Variants in TMEM207 observed in about 807,000 individuals in gnomAD.
TMEM207 encodes transmembrane protein 207, also known as SRSR846.
Under a neutral mutation model 17.4 loss-of-function variants are expected in TMEM207, and 15 were observed. The ratio of observed to expected loss-of-function variants is 0.86; its 90% CI spans 0.58 to 1.33. The LOEUF is 1.33. Among genes scored for constraint, TMEM207 ranks in the 40% most tolerant of loss-of-function variants. The probability of loss-of-function intolerance (pLI) is 0.00; values close to 1 mark genes in which losing one functional copy is unlikely to be tolerated. For synonymous variants in TMEM207, 70 were observed against 65.6 expected, an observed-to-expected ratio of 1.07 and a Z score of -0.33; for missense variants, 205 against 173.8, an observed-to-expected ratio of 1.18 and a Z score of -1.01.
At chr3:190,443,083 A>G (rs930508462) in intron 2 of TMEM207, among the ~76,000 whole-genome samples, 2 of 152,010 alleles carry the variant, frequency 1.3e-5, no homozygotes, top group African/African-American at 2.4e-5. Context: ...CCTTAAAAAT[A>G]TACATTTTTT....
chr3:190,433,921 C>G (rs1040344832), intron 4 of TMEM207, among the ~76,000 whole-genome samples: 2 of 152,046 alleles, frequency 1.3e-5, no homozygotes, highest in East Asian at 3.9e-4. Context: ...TAACACCACC[C>G]GCCTCCCACT....
At chr3:190,440,140 T>A (rs1254863159) in intron 4 of TMEM207, 104 bp downstream of exon 4, 2 of 1,407,290 alleles carry the variant, frequency 1.4e-6, no homozygotes, top group Non-Finnish European at 1.9e-6. Flanking sequence ...ATAAGCCACA[T>A]CTTTTTCTAA....
At chr3:190,443,959 C>T (rs929958947) in intron 2 of TMEM207, among the ~76,000 whole-genome samples, 10 of 152,190 alleles carry the variant, frequency 6.6e-5, no homozygotes, top group Admixed American at 1.3e-4. Flanking sequence ...CTTATCAGAA[C>T]GATTTCCTTT....
chr3:190,438,374 T>C (rs1351787199), intron 4 of TMEM207, among the ~76,000 whole-genome samples: 3 of 151,932 alleles, frequency 2.0e-5, no homozygotes, highest in Non-Finnish European at 4.4e-5. Context: ...CACTCAGTGC[T>C]AGCACATGCA....
Position 190,444,497 on chromosome 3 carries a change from T to C in TMEM207, c.114-3015A>G, listed in dbSNP as rs542043225. 34 of 922,102 alleles carry C rather than the reference T, an allele frequency of 3.7e-5. No homozygotes were observed. The East Asian group carries it at 4.3e-3, about 118-fold the overall frequency. 57.1% of individuals were successfully genotyped at this position (922,102 alleles called of 1,614,324 possible). ...TGTTCCAAATGCTTTAAGGAAATACTGAAAATTAAAAAAAAAAAAAATAGA... is the reference window on the plus strand; with the variant it reads ...TGTTCCAAATGCTTTAAGGAAATACCGAAAATTAAAAAAAAAAAAAATAGA... On this transcript the variant is annotated intron_variant, in intron 2 of 4. Coordinates refer to ENST00000354905, the MANE Select transcript of TMEM207 (RefSeq NM_207316.3).
chr3:190,441,446 C>A lies in TMEM207; in HGVS notation c.150G>T (p.Trp50Cys). The change falls in exon 3 of 5, where the codon TGG (tryptophan) becomes TGT (cysteine). Residue 50 changes from tryptophan to cysteine, a missense_variant. By Grantham distance (215) the Trp-to-Cys change is radical. Transcript: ENST00000354905. Reference protein sequence around the residue: ...VNYNDQHPNGWYIWILLLLVL... With the variant: ...VNYNDQHPNGCYIWILLLLVL... ...ATGGAAGATATCCTTACCAGATATA[C>A]CAGCCATTAGGGTGTTGGTCATTAT... 6.2e-7 allele frequency: 1 copy of A among 1,611,332 alleles called. No homozygotes were observed. Among genetic ancestry groups the A allele is most frequent in the Middle Eastern group, 1.7e-4 (1 of 6,058 alleles).
chr3:190,445,529 G>A (rs1720025760), intron 2 of TMEM207, among the ~76,000 whole-genome samples: 1 of 152,178 alleles, frequency 6.6e-6, no homozygotes, highest in African/African-American at 2.4e-5. Context: ...AAATAGACCA[G>A]TGTTGTTGTT....
At chr3:190,442,790 C>G (rs1191910704) in intron 2 of TMEM207, among the ~76,000 whole-genome samples, 1 of 152,008 alleles carries the variant, frequency 6.6e-6, no homozygotes, top group Non-Finnish European at 1.5e-5. Flanking sequence ...GAATATTATT[C>G]AATCATCAAA....
chr3:190,432,188 G>A (rs1387213882), intron 4 of TMEM207, among the ~76,000 whole-genome samples: 2 of 152,164 alleles, frequency 1.3e-5, no homozygotes, highest in Non-Finnish European at 2.9e-5. Context: ...TATAGCCAGA[G>A]TTGAGATTTC....
At chr3:190,442,291 A>C (rs527246796) in intron 2 of TMEM207, among the ~76,000 whole-genome samples, 2 of 152,320 alleles carry the variant, frequency 1.3e-5, no homozygotes, top group Admixed American at 1.3e-4. Context: ...AACAGTGGAA[A>C]TCTGTTATTC....
chr3:190,437,221 C>T (rs1431910791), intron 4 of TMEM207, among the ~76,000 whole-genome samples: 2 of 152,152 alleles, frequency 1.3e-5, no homozygotes, highest in East Asian at 1.9e-4. Flanking sequence ...AAAAGCTGCT[C>T]TATAGAAAAG....
intron 4 of TMEM207, among the ~76,000 whole-genome samples, chr3:190,432,525 T>G (rs1283024463): frequency 6.6e-6 from 1 of 152,220 alleles, no homozygotes; most frequent in African/African-American, 2.4e-5. Flanking sequence ...ATCATGTCTT[T>G]CCATGAAAAT....
chr3:190,441,026 G>C (rs759106532), intron 3 of TMEM207, among the ~76,000 whole-genome samples: 2 of 151,992 alleles, frequency 1.3e-5, no homozygotes, highest in Non-Finnish European at 2.9e-5. Context: ...CCGAGATGGC[G>C]CCACTGCACT....
At chr3:190,437,030 A>G (rs775922868) in intron 4 of TMEM207, among the ~76,000 whole-genome samples, 5 of 152,210 alleles carry the variant, frequency 3.3e-5, no homozygotes, top group Non-Finnish European at 7.3e-5. Context: ...ACAAAAAAAG[A>G]TAAATAGGAC....
chr3:190,447,945 AG>A (rs1720086079), intron 1 of TMEM207, 118 bp from the exon 2 acceptor site: 2 of 891,282 alleles, frequency 2.2e-6, no homozygotes, highest in South Asian at 4.2e-5. Context: ...TTTAATTAAA[AG>A]CTCTATAGCA....
intron 4 of TMEM207, among the ~76,000 whole-genome samples, chr3:190,434,226 T>C (rs1396894016): frequency 6.6e-6 from 1 of 151,906 alleles, no homozygotes; most frequent in Non-Finnish European, 1.5e-5. Flanking sequence ...CTGAGTGATA[T>C]GCTTTGACTG....
At chr3:190,448,398 G>A (rs1286074318) in intron 1 of TMEM207, among the ~76,000 whole-genome samples, 1 of 152,104 alleles carries the variant, frequency 6.6e-6, no homozygotes, top group African/African-American at 2.4e-5. Context: ...GAGAAAAAAA[G>A]TAATCATCTT....
intron 2 of TMEM207, among the ~76,000 whole-genome samples, chr3:190,446,807 C>A (rs574201491): frequency 4.6e-5 from 7 of 152,276 alleles, no homozygotes; most frequent in African/African-American, 1.7e-4. Flanking sequence ...TTTTGTTAGT[C>A]TGGGTCAAAG....
rs1010385193 is a variant in TMEM207 at position 190,449,824 on chromosome 3, C to T, written c.-15G>A. 2 of 1,612,380 alleles carry T rather than the reference C, an allele frequency of 1.2e-6. No homozygotes were observed. The highest frequency in any genetic ancestry group is 1.7e-6 in the Non-Finnish European group (2 of 1,178,548). On this transcript the variant is annotated 5_prime_UTR_variant, in exon 1 of 5. Coordinates refer to ENST00000354905, the MANE Select transcript of TMEM207 (RefSeq NM_207316.3). ...GATCTTGACATATTTAAAGGACAGTCAACTTAGGATAGTGGTTTGGTGCCT... is the reference window on the plus strand; with the variant it reads ...GATCTTGACATATTTAAAGGACAGTTAACTTAGGATAGTGGTTTGGTGCCT...
Sources: allele counts gnomAD v4.1 joint callset (sites outside exome capture counted in the v4.1 genomes callset), GRCh38; gene constraint gnomAD v4.1.1; transcripts MANE v1.5; gene names NCBI Gene and HGNC (gene_info 2026-07-23, HGNC 2026-07-21).